The following KCNAB2 variants were observed in gnomAD, a reference collection of about 807,000 sequenced individuals.
The protein encoded by KCNAB2 is potassium voltage-gated channel subfamily A regulatory beta subunit 2.
A neutral mutation model predicts 63.6 loss-of-function variants in KCNAB2; 29 were observed. That is an observed-to-expected ratio of 0.46 (90% CI 0.34 to 0.62). The LOEUF (loss-of-function observed/expected upper bound fraction) is 0.62. Among genes scored for constraint, KCNAB2 ranks in the 20% least tolerant of loss-of-function variants. The probability of loss-of-function intolerance (pLI) is 0.01; values close to 1 mark genes in which losing one functional copy is unlikely to be tolerated. For missense variants in KCNAB2, 359 were observed against 563.9 expected (o/e 0.64, Z 3.68); for synonymous variants, 222 against 224.2 (o/e 0.99, Z 0.09).
At chr1:6,004,935 T>G in intron 1 of KCNAB2, among the ~76,000 whole-genome samples, 2 of 135,268 alleles carry the variant, frequency 1.5e-5, no homozygotes, top group Non-Finnish European at 3.3e-5. Context: ...GGCTGAGGGG[T>G]GAGGGTGGAG....
intron 2 of KCNAB2, among the ~76,000 whole-genome samples, chr1:6,064,374 G>C (rs1027350226): frequency 1.3e-5 from 2 of 152,200 alleles, no homozygotes; most frequent in Non-Finnish European, 2.9e-5. Flanking sequence ...GCACCCAGAG[G>C]CTCTTTGAAC....
At chr1:6,000,223 G>A (rs1472966146) in intron 1 of KCNAB2, among the ~76,000 whole-genome samples, 1 of 152,168 alleles carries the variant, frequency 6.6e-6, no homozygotes, top group Admixed American at 6.5e-5. Flanking sequence ...ATGAGTAGCA[G>A]GTATTTTTAG....
intron 1 of KCNAB2, among the ~76,000 whole-genome samples, chr1:6,040,279 T>C (rs928509563): frequency 1.3e-5 from 2 of 152,110 alleles, no homozygotes; most frequent in Non-Finnish European, 2.9e-5. Context: ...TGATGGAGTG[T>C]GGAAACCCTT....
rs1354806498 is a variant in KCNAB2 at position 6,087,567 on chromosome 1, G to A, written c.470+56G>A. 5.1e-6 allele frequency: 8 copies of A among 1,578,704 alleles called. No homozygotes were observed. Among genetic ancestry groups the A allele is most frequent in the South Asian group, 1.1e-5 (1 of 90,354 alleles). On this transcript the variant is annotated intron_variant, in intron 7 of 15. Transcript: ENST00000378083. The surrounding 1 kb of genome is among the most constrained non-coding windows in gnomAD (Gnocchi z 6.4). ...CCCGGCCCAGCAGCCACGGCCCCGT[G>A]CTCCCCAGAGACCCCTGACCTAGAA...
chr1:6,032,301 C>G (rs566632965), upstream of KCNAB2, among the ~76,000 whole-genome samples: 2 of 152,288 alleles, frequency 1.3e-5, no homozygotes, highest in South Asian at 2.1e-4. Context: ...AGAGCAGTGG[C>G]CGGTTGCGGT....
chr1:6,040,805 G>A (rs1021686391), intron 2 of KCNAB2, among the ~76,000 whole-genome samples: 1 of 152,244 alleles, frequency 6.6e-6, no homozygotes, highest in Non-Finnish European at 1.5e-5. Context: ...GCTGGTGAGC[G>A]TTTTCTCCAA....
Position 6,005,856 on chromosome 1 carries a change from C to T in KCNAB2, c.-53+13068C>T, listed in dbSNP as rs192896972. Among the ~76,000 whole-genome samples, 858 of 151,836 alleles carry T rather than the reference C, an allele frequency of 5.7e-3. 7 individuals are homozygous for T. Among genetic ancestry groups the T allele is most frequent in the African/African-American group, 0.02 (834 of 41,286 alleles). On this transcript the variant is annotated intron_variant, in intron 1 of 16. Transcript: ENST00000341524. ...GACTGGAGGGAGGTCCCAGGGCTGG[C>T]ACCCTGGGGCTCTGTTCTGATGTTC...
chr1:6,062,196 C>A (rs1389699666), intron 2 of KCNAB2, among the ~76,000 whole-genome samples: 3 of 152,066 alleles, frequency 2.0e-5, no homozygotes, highest in Non-Finnish European at 4.4e-5. Context: ...TGCCTGTAAT[C>A]CCAGCTACTC....
At chr1:6,041,611 G>A (rs541452434), upstream of KCNAB2, 9 of 563,280 alleles carry the variant, frequency 1.6e-5, no homozygotes, top group East Asian at 1.8e-4. Context: ...AACTGGCTCC[G>A]GGTCTCTGCC....
At chr1:5,996,771 G>A (rs919103009) in intron 1 of KCNAB2, among the ~76,000 whole-genome samples, 1 of 152,244 alleles carries the variant, frequency 6.6e-6, no homozygotes, top group African/African-American at 2.4e-5. Flanking sequence ...TCCTGGCTGT[G>A]ATCTTGAGCC....
At position 6,078,441 on chromosome 1, in the gene KCNAB2, C is replaced by A. The variant is rs1571046832; in HGVS notation, c.301-3754C>A. On this transcript the variant is annotated intron_variant, in intron 4 of 15. Coordinates refer to ENST00000378083, the MANE Select transcript of KCNAB2 (RefSeq NM_001199862.2). The surrounding 1 kb of genome is among the most constrained non-coding windows in gnomAD (Gnocchi z 4.2). The stretch of plus-strand genomic sequence containing the variant: ...AGAGAAGAAAGTAGAAAAAGGAGGG[C>A]AGGGGGGCGGGGGTCCTGACGACAG... 6.7e-6 allele frequency among the ~76,000 whole-genome samples: 1 copy of A among 148,900 alleles called. No homozygotes were observed. The highest frequency in any genetic ancestry group is 1.5e-5 in the Non-Finnish European group (1 of 67,362).
chr1:6,008,216 C>G (rs1033792662), intron 1 of KCNAB2, among the ~76,000 whole-genome samples: 4 of 152,180 alleles, frequency 2.6e-5, no homozygotes, highest in Non-Finnish European at 4.4e-5. Flanking sequence ...TGCGCTGGGT[C>G]CCCCATGGCA....
rs955528220 is a variant in KCNAB2, at chr1:6,096,089, G to A, written c.948+465G>A. 2.2e-5 allele frequency: 10 copies of A among 458,068 alleles called. No individual in the cohort carries two copies. Among genetic ancestry groups the A allele is most frequent in the African/African-American group, 1.6e-4 (8 of 50,232 alleles). The allele number at this position is 458,068 out of a possible 1,614,324, so 28.4% of individuals were successfully genotyped here. On this transcript the variant is annotated intron_variant, in intron 13 of 15. Coordinates refer to ENST00000378083, the MANE Select transcript of KCNAB2 (RefSeq NM_001199862.2). This position sits in a 1 kb window ranked among gnomAD's most constrained non-coding sequence, Gnocchi z 5.9. ...GGGTCCCCAGACTGCAGGATCTGGA[G>A]AACAAGGAGCAGGCCAAGAAAGTCT...
chr1:6,053,488 C>T (rs1293701037), intron 2 of KCNAB2, among the ~76,000 whole-genome samples: 1 of 152,062 alleles, frequency 6.6e-6, no homozygotes, highest in African/African-American at 2.4e-5. Flanking sequence ...ACCAGGGAGG[C>T]CGAGGGGGAA....
At chr1:6,010,468 A>G (rs1307534117) in intron 1 of KCNAB2, among the ~76,000 whole-genome samples, 1 of 152,198 alleles carries the variant, frequency 6.6e-6, no homozygotes, top group African/African-American at 2.4e-5. Context: ...TAAGTGGATC[A>G]ATATTAACTT....
At chr1:6,059,724 A>T (rs375321310) in intron 2 of KCNAB2, among the ~76,000 whole-genome samples, 5 of 152,320 alleles carry the variant, frequency 3.3e-5, no homozygotes, top group South Asian at 4.1e-4. Flanking sequence ...AACTCAGAGC[A>T]GAGCCGGCCA....
chr1:6,033,543 G>A (rs1228632040), upstream of KCNAB2, among the ~76,000 whole-genome samples: 8 of 152,220 alleles, frequency 5.3e-5, no homozygotes, highest in South Asian at 6.2e-4. Flanking sequence ...AGAGAGGAGC[G>A]GGAATGCATA....
At chr1:6,042,218 C>T (rs1660555075), upstream of KCNAB2, among the ~76,000 whole-genome samples, 1 of 152,156 alleles carries the variant, frequency 6.6e-6, no homozygotes, top group South Asian at 2.1e-4. Flanking sequence ...ACCAGCTTGC[C>T]CTGCTTCCAT....
At position 6,089,188 on chromosome 1, in the gene KCNAB2, C is replaced by A. The variant is rs953348479; in HGVS notation, c.514+137C>A. The A allele has an allele frequency of 3.2e-6, 3 of 940,354 alleles. No homozygotes were observed. The African/African-American group carries it at 4.9e-5, about 15-fold the overall frequency. The allele number at this position is 940,354 out of a possible 1,614,324, so 58.3% of individuals were successfully genotyped here. On this transcript the variant is annotated intron_variant, in intron 8 of 15. Coordinates refer to ENST00000378083, the MANE Select transcript of KCNAB2 (RefSeq NM_001199862.2). ...AATCCCGGGGCACCCGGTGCTCTGGCCTGACCTTCTCCTTCCACCCAGGTA... is the reference window on the plus strand; with the variant it reads ...AATCCCGGGGCACCCGGTGCTCTGGACTGACCTTCTCCTTCCACCCAGGTA...
Sources: allele counts gnomAD v4.1 joint callset (sites outside exome capture counted in the v4.1 genomes callset), GRCh38; gene constraint gnomAD v4.1.1; non-coding constraint Gnocchi (gnomAD v3.1); transcripts MANE v1.5; gene names NCBI Gene and HGNC (gene_info 2026-07-23, HGNC 2026-07-21).